The following XKR7 variants were observed in gnomAD, a reference collection of about 807,000 sequenced individuals.
XKR7 encodes XK related 7.
Under a neutral mutation model 42.2 loss-of-function variants are expected in XKR7, and 11 were observed. The ratio of observed to expected loss-of-function variants is 0.26; its 90% CI spans 0.16 to 0.43. XKR7 has a LOEUF of 0.43. Among genes scored for constraint, XKR7 ranks in the 20% least tolerant of loss-of-function variants. The probability of loss-of-function intolerance (pLI) is 1.00; values close to 1 mark genes in which losing one functional copy is unlikely to be tolerated. For missense variants in XKR7, 710 were observed against 802.2 expected (o/e 0.89, Z 1.39); for synonymous variants, 346 against 366.4 (o/e 0.94, Z 0.64).
chr20:31,975,425 C>A (rs891533693), intron 1 of XKR7, among the ~76,000 whole-genome samples: 4 of 152,132 alleles, frequency 2.6e-5, no homozygotes, highest in Non-Finnish European at 5.9e-5. Flanking sequence ...TCCAGCAACA[C>A]CCAACACCAG....
intron 1 of XKR7, among the ~76,000 whole-genome samples, chr20:31,994,390 C>G (rs1600662969): frequency 2.6e-5 from 4 of 152,182 alleles, no homozygotes; most frequent in African/African-American, 9.7e-5. Context: ...AATGACATAT[C>G]TCTCTGGGTC....
chr20:31,976,464 A>G (rs1284188689), intron 1 of XKR7, among the ~76,000 whole-genome samples: 3 of 151,670 alleles, frequency 2.0e-5, no homozygotes, highest in Non-Finnish European at 4.4e-5. Flanking sequence ...GGCTCACTGC[A>G]ACCTCTGCCT....
chr20:31,980,595 C>T (rs1305142459), intron 1 of XKR7, among the ~76,000 whole-genome samples: 2 of 152,174 alleles, frequency 1.3e-5, no homozygotes, highest in Admixed American at 1.3e-4. Context: ...ACTCTATTCC[C>T]CTGTGTCCGG....
Position 32,000,707 on chromosome 20 carries a change from T to A in XKR7, c.*3250T>A, listed in dbSNP as rs6087809. ...TGTCCCCATCTCCAGGGCAGACTTC[T>A]GTCTACCTGTTTTCTTAGAACTGAC... On this transcript the variant is annotated 3_prime_UTR_variant, in exon 3 of 3. Coordinates refer to ENST00000562532, the MANE Select transcript of XKR7 (RefSeq NM_001011718.2). 0.21 allele frequency: 32,162 copies of A among 152,218 alleles called. 4,592 individuals carry two copies. The highest frequency in any genetic ancestry group is 0.41 in the African/African-American group (16,975 of 41,466). 9.4% of individuals were successfully genotyped at this position (152,218 alleles called of 1,614,324 possible).
At chr20:31,978,570 G>A (rs2064496254) in intron 1 of XKR7, among the ~76,000 whole-genome samples, 1 of 152,202 alleles carries the variant, frequency 6.6e-6, no homozygotes, top group East Asian at 1.9e-4. Flanking sequence ...AGAACTTTCT[G>A]CAGTCATGAA....
At chr20:31,986,099 CACAG>C (rs562598214) in intron 1 of XKR7, among the ~76,000 whole-genome samples, 13 of 145,890 alleles carry the variant, frequency 8.9e-5, no homozygotes, top group African/African-American at 3.3e-4. Context: ...GCATCCAAGA[CACAG>C]ACAGACCACC....
chr20:31,972,581 A>AG (rs1371079925), intron 1 of XKR7, among the ~76,000 whole-genome samples: 2 of 152,234 alleles, frequency 1.3e-5, no homozygotes, highest in African/African-American at 4.8e-5. Context: ...TGTAGGCAGC[A>AG]GAGCAGTAAG....
intron 1 of XKR7, among the ~76,000 whole-genome samples, chr20:31,988,688 G>A (rs1294273053): frequency 6.6e-6 from 1 of 152,210 alleles, no homozygotes; most frequent in Admixed American, 6.5e-5. Context: ...GGACTACAGT[G>A]TCTGGCTCAC....
At chr20:31,991,798 G>A (rs1351420247) in intron 1 of XKR7, among the ~76,000 whole-genome samples, 1 of 152,138 alleles carries the variant, frequency 6.6e-6, no homozygotes, top group Non-Finnish European at 1.5e-5. Context: ...TCTCTTGTGT[G>A]CCTTCAGATG....
chr20:31,992,311 A>C (rs1230209010), intron 1 of XKR7, among the ~76,000 whole-genome samples: 1 of 152,192 alleles, frequency 6.6e-6, no homozygotes, highest in South Asian at 2.1e-4. Flanking sequence ...TGAATGAATC[A>C]TTCTGGCTGC....
At position 31,997,270 on chromosome 20, in the gene XKR7, C is replaced by G; in HGVS notation, c.1553C>G (p.Thr518Arg). 6.2e-7 allele frequency: 1 copy of G among 1,612,330 alleles called. No individual in the cohort carries two copies. Among genetic ancestry groups the G allele is most frequent in the Non-Finnish European group, 8.5e-7 (1 of 1,180,002 alleles). The change falls in exon 3 of 3, where the codon ACA becomes AGA. Residue 518 changes from threonine to arginine, a missense_variant. Transcript: ENST00000562532. ...ACACCAGTGGCCCGCACCTTGCGGA[C>G]AGAGGGGCCTGTCATCCGGATTGAC... The part of the protein sequence containing the change: ...PPTPVARTLR[T>R]EGPVIRIDLP...
chr20:31,988,226 G>C (rs1054294306), intron 1 of XKR7, among the ~76,000 whole-genome samples: 1 of 152,150 alleles, frequency 6.6e-6, no homozygotes, highest in African/African-American at 2.4e-5. Context: ...GAAGCTTCCT[G>C]GCTTCTCAAG....
intron 1 of XKR7, among the ~76,000 whole-genome samples, chr20:31,969,468 G>T (rs2064454205): frequency 6.6e-6 from 1 of 152,192 alleles, no homozygotes; most frequent in Non-Finnish European, 1.5e-5. Flanking sequence ...CAAAACTGAG[G>T]CTTTGTTCAA....
chr20:31,979,202 CT>C (rs1164134586), intron 1 of XKR7, among the ~76,000 whole-genome samples: 1 of 151,422 alleles, frequency 6.6e-6, no homozygotes, highest in Non-Finnish European at 1.5e-5. Context: ...ATTATGATTT[CT>C]TTTTTTCTTT....
chr20:31,974,063 C>T (rs547798333), intron 1 of XKR7, among the ~76,000 whole-genome samples: 4 of 152,138 alleles, frequency 2.6e-5, no homozygotes, highest in South Asian at 4.2e-4. Context: ...CATGGTGGTG[C>T]GCACCTGTAA....
At chr20:31,974,859 A>G (rs1266030387) in intron 1 of XKR7, among the ~76,000 whole-genome samples, 1 of 151,770 alleles carries the variant, frequency 6.6e-6, no homozygotes, top group East Asian at 2.0e-4. Context: ...GGGTTGTTCC[A>G]GTTTGGGCCT....
chr20:31,976,564 T>C (rs2064486254), intron 1 of XKR7, among the ~76,000 whole-genome samples: 1 of 152,162 alleles, frequency 6.6e-6, no homozygotes, highest in East Asian at 1.9e-4. Flanking sequence ...TTTGTATTTT[T>C]AGTAGAAACG....
chr20:31,971,092 A>G (rs1220303837), intron 1 of XKR7, among the ~76,000 whole-genome samples: 1 of 152,252 alleles, frequency 6.6e-6, no homozygotes, highest in African/African-American at 2.4e-5. Flanking sequence ...CTGAGATTCC[A>G]AGATTCCAGT....
At chr20:31,990,509 A>G (rs942085033) in intron 1 of XKR7, among the ~76,000 whole-genome samples, 2 of 152,192 alleles carry the variant, frequency 1.3e-5, no homozygotes, top group Non-Finnish European at 2.9e-5. Context: ...CAGAATGGCA[A>G]GTGCCATTCC....
Sources: gnomAD v4.1 joint callset for allele counts (sites outside exome capture counted in the v4.1 genomes callset) on GRCh38, gnomAD v4.1.1 for gene constraint, MANE v1.5 for transcripts, NCBI Gene and HGNC (gene_info 2026-07-23, HGNC 2026-07-21) for gene names.